CRB1: variants seen among roughly 807,000 people sequenced by gnomAD.
CRB1 encodes crumbs cell polarity complex component 1, also known as protein crumbs homolog 1.
Under a neutral mutation model 120.0 loss-of-function variants are expected in CRB1, and 83 were observed. The observed-to-expected ratio is 0.69, with a 90% CI of 0.58 to 0.83. CRB1 has a LOEUF of 0.83. CRB1 is among the 40% of genes least tolerant of loss of function. CRB1 has a pLI of 0.00. For synonymous variants in CRB1, 625 were observed against 612.5 expected, an observed-to-expected ratio of 1.02 and a Z score of -0.30; for missense variants, 1,699 against 1,687.6, an observed-to-expected ratio of 1.01 and a Z score of -0.12.
chr1:197,268,324 C>A lies in CRB1; in HGVS notation c.-89C>A. ...ATGGCACCTGGGGGTTCTGAGGCACCCGCTCCTCTCTGAGACAGACAGGGA... is the reference window on the plus strand; with the variant it reads ...ATGGCACCTGGGGGTTCTGAGGCACACGCTCCTCTCTGAGACAGACAGGGA... On this transcript the variant is annotated 5_prime_UTR_variant, in exon 1 of 12. Transcript: ENST00000367400. 1.1e-6 allele frequency: 1 copy of A among 949,890 alleles called. No homozygotes were observed. The highest frequency in any genetic ancestry group is 1.7e-6 in the Non-Finnish European group (1 of 575,312). The allele number at this position is 949,890 out of a possible 1,614,324, so 58.8% of individuals were successfully genotyped here.
At chr1:197,324,312 T>C (rs575174781) in intron 1 of CRB1, among the ~76,000 whole-genome samples, 1 of 152,338 alleles carries the variant, frequency 6.6e-6, no homozygotes, top group South Asian at 2.1e-4. Flanking sequence ...ACTTATTCAT[T>C]TGTTAAATAT....
intron 11 of CRB1, among the ~76,000 whole-genome samples, chr1:197,459,017 A>G (rs1666408448): frequency 6.6e-6 from 1 of 152,162 alleles, no homozygotes; most frequent in African/African-American, 2.4e-5. Flanking sequence ...ATGGGAGCAC[A>G]TTCAAGAGAG....
intron 11 of CRB1, among the ~76,000 whole-genome samples, chr1:197,458,454 G>A (rs1355548281): frequency 1.3e-5 from 2 of 152,024 alleles, no homozygotes; most frequent in African/African-American, 4.8e-5. Flanking sequence ...AAGGGTTTAT[G>A]CTGTCCACTC....
chr1:197,218,528 T>C, the CRB1 span, among the ~76,000 whole-genome samples: 1 of 152,226 alleles, frequency 6.6e-6, no homozygotes, highest in East Asian at 1.9e-4. Flanking sequence ...TAGGCCCTAT[T>C]GATGACCTCT....
the CRB1 span, chr1:197,222,756 TTTC>T: frequency 9.6e-7 from 1 of 1,043,628 alleles, no homozygotes; most frequent in Non-Finnish European, 1.5e-6. Flanking sequence ...TGACTTGCTC[TTTC>T]TTTCTGAACT....
At chr1:197,326,735 A>G (rs1360740863) in intron 1 of CRB1, among the ~76,000 whole-genome samples, 1 of 151,998 alleles carries the variant, frequency 6.6e-6, no homozygotes, top group Non-Finnish European at 1.5e-5. Context: ...TTTTAATTCA[A>G]TTTCATAATT....
At chr1:197,371,632 C>T (rs367770304) in intron 5 of CRB1, among the ~76,000 whole-genome samples, 1 of 152,200 alleles carries the variant, frequency 6.6e-6, no homozygotes, top group African/African-American at 2.4e-5. Flanking sequence ...AGACATAAAA[C>T]TTTGTGTCAG....
At chr1:197,475,357 T>C (rs1226837163) in intron 11 of CRB1, among the ~76,000 whole-genome samples, 2 of 152,126 alleles carry the variant, frequency 1.3e-5, no homozygotes, top group African/African-American at 4.8e-5. Context: ...TCTAATGTGG[T>C]ATCAACAGCC....
chr1:197,453,489 T>C (rs898476628), intron 11 of CRB1, among the ~76,000 whole-genome samples: 1 of 146,196 alleles, frequency 6.8e-6, no homozygotes, highest in Non-Finnish European at 1.5e-5. Flanking sequence ...AATAACTGTG[T>C]GTGTATATAT....
rs142688043 is a variant in CRB1 at position 197,305,407 on chromosome 1, A to G, written c.71-23015A>G. On this transcript the variant is annotated intron_variant, in intron 1 of 11. Coordinates refer to ENST00000367400, the MANE Select transcript of CRB1 (RefSeq NM_201253.3). Reference sequence around the variant, plus strand: ...GGTGCTATTAAAATAGAGTATACATATATGTTCCAAAAAATTTTATGTACT... The same window carrying G: ...GGTGCTATTAAAATAGAGTATACATGTATGTTCCAAAAAATTTTATGTACT... Among the ~76,000 whole-genome samples the G allele has an allele frequency of 9.1e-4, 138 of 152,290 alleles. 1 individual carries two copies. The East Asian group carries it at 9.6e-3, about 11-fold the overall frequency.
At chr1:197,333,985 T>C (rs1659004183) in intron 2 of CRB1, among the ~76,000 whole-genome samples, 1 of 152,248 alleles carries the variant, frequency 6.6e-6, no homozygotes, top group African/African-American at 2.4e-5. Flanking sequence ...GCATTAAAAG[T>C]TTAACTGGCA....
At chr1:197,275,735 G>A (rs78845857) in intron 1 of CRB1, among the ~76,000 whole-genome samples, 9 of 151,926 alleles carry the variant, frequency 5.9e-5, no homozygotes, top group African/African-American at 2.2e-4. Context: ...TCTTCCATAT[G>A]TGAATGTTCA....
At position 197,421,470 on chromosome 1, in the gene CRB1, G is replaced by A; in HGVS notation, c.1642G>A (p.Val548Ile). ...LSGYIHLSIQ[V>I]NNQSKVLLFI... ...TGGCTACATTCACTTATCAATTCAG[G>A]TCAATAATCAGTCAAAGGTGCTTCT... The change falls in exon 6 of 12, where the codon GTC becomes ATC. Residue 548 changes from valine (V) to isoleucine (I), a missense_variant. By Grantham distance (29) the Val-to-Ile change is conservative (BLOSUM62 3). Transcript: ENST00000367400. 1 of 1,614,218 alleles carries A rather than the reference G, an allele frequency of 6.2e-7. No homozygotes were observed.
At chr1:197,404,060 G>T (rs999347512) in intron 5 of CRB1, among the ~76,000 whole-genome samples, 1 of 152,180 alleles carries the variant, frequency 6.6e-6, no homozygotes, top group African/African-American at 2.4e-5. Flanking sequence ...TCTGTCACTT[G>T]TAAGATAAAT....
chr1:197,396,878 TG>T (rs1288733018), intron 5 of CRB1, among the ~76,000 whole-genome samples: 1 of 152,108 alleles, frequency 6.6e-6, no homozygotes, highest in African/African-American at 2.4e-5. Context: ...TCTGGGATCT[TG>T]GGCTCAGCAA....
At chr1:197,233,768 C>T in the CRB1 span, among the ~76,000 whole-genome samples, 1 of 152,236 alleles carries the variant, frequency 6.6e-6, no homozygotes, top group Non-Finnish European at 1.5e-5. Flanking sequence ...TGAGCCACGA[C>T]CATGCTCTTC....
intron 6 of CRB1, chr1:197,422,953 G>A (rs956142173): frequency 2.6e-5 from 4 of 152,002 alleles, no homozygotes; most frequent in African/African-American, 9.7e-5. Context: ...GGTTTCCCCC[G>A]ACCACAATAT....
intron 3 of CRB1, among the ~76,000 whole-genome samples, chr1:197,345,476 G>A (rs1428485543): frequency 1.4e-5 from 2 of 146,502 alleles, no homozygotes; most frequent in African/African-American, 5.1e-5. Context: ...AGGCACATAT[G>A]CTTCAAAAAT....
chr1:197,453,884 T>TTATTATTAATATA (rs1666130468), intron 11 of CRB1, among the ~76,000 whole-genome samples: 1 of 140,040 alleles, frequency 7.1e-6, no homozygotes, highest in Non-Finnish European at 1.5e-5. Flanking sequence ...ATAATATATA[T>TTATTATTAATATA]TATTAATATT....
Sources: gnomAD v4.1 joint callset for allele counts (sites outside exome capture counted in the v4.1 genomes callset) on GRCh38, gnomAD v4.1.1 for gene constraint, MANE v1.5 for transcripts, NCBI Gene and HGNC (gene_info 2026-07-23, HGNC 2026-07-21) for gene names.